Variants in DYRK1A observed in about 807,000 individuals in gnomAD.
DYRK1A encodes the protein dual specificity tyrosine-phosphorylation-regulated kinase 1A.
DYRK1A carries 9 observed loss-of-function variants against 79.7 expected under a neutral mutation model. The ratio of observed to expected loss-of-function variants is 0.11; its 90% confidence interval spans 0.07 to 0.20. The LOEUF (loss-of-function observed/expected upper bound fraction) is 0.20. DYRK1A is among the 10% of genes least tolerant of loss of function. DYRK1A has a pLI of 1.00. For missense variants in DYRK1A, 622 were observed against 956.0 expected, an observed-to-expected ratio of 0.65 and a Z score of 4.61; for synonymous variants, 349 against 329.7, an observed-to-expected ratio of 1.06 and a Z score of -0.63.
chr21:37,454,685 T>C (rs1013132582), intron 2 of DYRK1A, among the ~76,000 whole-genome samples: 4 of 152,196 alleles, frequency 2.6e-5, no homozygotes, highest in Admixed American at 2.6e-4. Flanking sequence ...TTTTATCTCA[T>C]TGTTACTTGA....
chr21:37,403,832 T>G (rs1045275544), intron 1 of DYRK1A, among the ~76,000 whole-genome samples: 8 of 151,792 alleles, frequency 5.3e-5, no homozygotes, highest in African/African-American at 1.9e-4. Context: ...GAAGGTTGAT[T>G]TTTGTTCTAA....
chr21:37,409,738 C>T (rs2050210205), intron 1 of DYRK1A, among the ~76,000 whole-genome samples: 1 of 152,016 alleles, frequency 6.6e-6, no homozygotes, highest in Non-Finnish European at 1.5e-5. Flanking sequence ...TATGAATAAT[C>T]TTAAATGCTT....
intron 1 of DYRK1A, among the ~76,000 whole-genome samples, chr21:37,409,295 A>C (rs1397647047): frequency 6.6e-6 from 1 of 152,184 alleles, no homozygotes; most frequent in Non-Finnish European, 1.5e-5. Flanking sequence ...ATCTTTGATA[A>C]TACAGCAATT....
intron 1 of DYRK1A, among the ~76,000 whole-genome samples, chr21:37,380,294 T>C (rs868390348): frequency 1.3e-5 from 2 of 152,236 alleles, no homozygotes; most frequent in Admixed American, 6.5e-5. Flanking sequence ...ATGTTCGTTA[T>C]TGAGAGACAT....
intron 6 of DYRK1A, chr21:37,487,664 C>A (rs2052921640): frequency 6.6e-6 from 1 of 151,928 alleles, no homozygotes; most frequent in Non-Finnish European, 1.5e-5. Flanking sequence ...TTTGGTCCAC[C>A]CCAAAAAGGT....
intron 1 of DYRK1A, among the ~76,000 whole-genome samples, chr21:37,373,373 C>T (rs1241533222): frequency 6.6e-6 from 1 of 152,128 alleles, no homozygotes. Context: ...TTTAGCTTTG[C>T]TGAGTTGGTT....
intron 1 of DYRK1A, among the ~76,000 whole-genome samples, chr21:37,402,262 C>T (rs111637565): frequency 1.2e-4 from 18 of 152,322 alleles, no homozygotes; most frequent in African/African-American, 2.9e-4. Flanking sequence ...TAACACTCTT[C>T]GGCATTTCTT....
rs747582966 is a variant in DYRK1A at position 37,478,147 on chromosome 21, TAGTTA to T, written c.208-59_208-55del. On this transcript the variant is annotated intron_variant, in intron 3 of 11. Transcript: ENST00000647188. ...TACAGAAGAGGGAATTTATATCTTA[TAGTTA>T]AAGTGCTAGTCTTTTCTGTCTATTT... 1.9e-6 allele frequency: 3 copies of T among 1,605,268 alleles called. No individual in the cohort carries two copies. The African/African-American group carries it at 4.0e-5, about 22-fold the overall frequency.
chr21:37,495,989 A>C (rs1454557969), intron 8 of DYRK1A, 129 bp from the exon 9 acceptor site: 1 of 813,562 alleles, frequency 1.2e-6, no homozygotes, highest in Admixed American at 2.9e-5. Context: ...TCATTACTGT[A>C]TGCTGGATGT....
rs1024952921 is a variant in DYRK1A, at chr21:37,521,114, G to A, written c.*8583G>A. The A allele has an allele frequency of 2.6e-5, 4 of 152,194 alleles. No individual in the cohort carries two copies. Among genetic ancestry groups the A allele is most frequent in the African/African-American group, 9.7e-5 (4 of 41,440 alleles). The allele number at this position is 152,194 out of a possible 1,614,324, so 9.4% of individuals were successfully genotyped here. A position where few individuals can be genotyped will look rare whatever the true frequency, so the allele number is the denominator to read the frequency against. ...TCAGATGAGGAGCTTGTCCAGGGAGGGCTCCCACGTGCGTATTCACTAATT... is the reference window on the plus strand; with the variant it reads ...TCAGATGAGGAGCTTGTCCAGGGAGAGCTCCCACGTGCGTATTCACTAATT... On this transcript the variant is annotated 3_prime_UTR_variant, in exon 12 of 12. Coordinates refer to ENST00000647188, the MANE Select transcript of DYRK1A (RefSeq NM_001347721.2).
chr21:37,499,099 A>G (rs962310718), intron 9 of DYRK1A, among the ~76,000 whole-genome samples: 1 of 152,094 alleles, frequency 6.6e-6, no homozygotes, highest in East Asian at 1.9e-4. Flanking sequence ...CTTTTGATGA[A>G]TAGGGAGTTT....
intron 2 of DYRK1A, among the ~76,000 whole-genome samples, chr21:37,455,943 C>A (rs768565140): frequency 6.6e-6 from 1 of 152,208 alleles, no homozygotes; most frequent in South Asian, 2.1e-4. Flanking sequence ...AAAATTGAAT[C>A]CAGACTCCTT....
intron 2 of DYRK1A, among the ~76,000 whole-genome samples, chr21:37,471,071 CA>C (rs1317235812): frequency 6.6e-6 from 1 of 152,144 alleles, no homozygotes; most frequent in East Asian, 1.9e-4. Flanking sequence ...CCAGCTTCAG[CA>C]GGGGTAGAGG....
At chr21:37,450,961 G>A (rs183282311) in intron 2 of DYRK1A, among the ~76,000 whole-genome samples, 9 of 152,292 alleles carry the variant, frequency 5.9e-5, no homozygotes, top group Admixed American at 3.3e-4. Context: ...AGACTGTAAT[G>A]AAGCTACAAA....
At chr21:37,482,902 C>G (rs2052705586) in intron 5 of DYRK1A, among the ~76,000 whole-genome samples, 2 of 152,184 alleles carry the variant, frequency 1.3e-5, no homozygotes, top group Admixed American at 6.5e-5. Flanking sequence ...TCTGTTCCGC[C>G]CGGGTCAGTG....
chr21:37,468,093 T>A (rs1353290851), intron 2 of DYRK1A, among the ~76,000 whole-genome samples: 3 of 152,136 alleles, frequency 2.0e-5, no homozygotes, highest in Non-Finnish European at 2.9e-5. Flanking sequence ...GGAACTTACA[T>A]GGAATAGCCA....
intron 1 of DYRK1A, among the ~76,000 whole-genome samples, chr21:37,411,796 A>G (rs978885061): frequency 2.0e-5 from 3 of 152,212 alleles, no homozygotes; most frequent in Non-Finnish European, 4.4e-5. Flanking sequence ...CTCTCTTCTG[A>G]GATAACTATT....
intron 1 of DYRK1A, among the ~76,000 whole-genome samples, chr21:37,372,782 T>G (rs1204057678): frequency 6.6e-6 from 1 of 152,198 alleles, no homozygotes; most frequent in East Asian, 1.9e-4. Flanking sequence ...TCATTCATGC[T>G]CATTCTGTGA....
intron 1 of DYRK1A, among the ~76,000 whole-genome samples, chr21:37,404,930 A>G (rs988530429): frequency 6.6e-6 from 1 of 152,134 alleles, no homozygotes; most frequent in Non-Finnish European, 1.5e-5. Context: ...AGTGGAATGT[A>G]TGGATTTAGA....
Sources: allele counts gnomAD v4.1 joint callset (sites outside exome capture counted in the v4.1 genomes callset), GRCh38; gene constraint gnomAD v4.1.1; transcripts MANE v1.5; gene names NCBI Gene and HGNC (gene_info 2026-07-23, HGNC 2026-07-21).